The following FA2H variants were observed in gnomAD, a reference collection of about 807,000 sequenced individuals.
FA2H encodes fatty acid alpha-hydroxylase.
In FA2H, 22 loss-of-function variants were observed where a neutral mutation model predicts 44.9. That is an observed-to-expected ratio of 0.49 (90% CI 0.35 to 0.70). FA2H has a LOEUF of 0.70. Ranked by LOEUF, FA2H falls within the 30% of genes least tolerant of loss-of-function variation. FA2H has a pLI of 0.01. For synonymous variants in FA2H, 243 were observed against 213.2 expected, an observed-to-expected ratio of 1.14 and a Z score of -1.22; for missense variants, 501 against 504.9, an observed-to-expected ratio of 0.99 and a Z score of 0.07.
At chr16:74,746,713 C>T (rs1962431701) in intron 1 of FA2H, among the ~76,000 whole-genome samples, 1 of 152,178 alleles carries the variant, frequency 6.6e-6, no homozygotes, top group South Asian at 2.1e-4. Context: ...GCCCTGTCCA[C>T]TGAGAAGGAT....
chr16:74,756,179 G>A (rs1272368544), intron 1 of FA2H, among the ~76,000 whole-genome samples: 1 of 152,170 alleles, frequency 6.6e-6, no homozygotes, highest in Non-Finnish European at 1.5e-5. Flanking sequence ...CCACGCACAC[G>A]TGGAATCTGG....
At chr16:74,751,949 T>C (rs1047300634) in intron 1 of FA2H, among the ~76,000 whole-genome samples, 2 of 152,214 alleles carry the variant, frequency 1.3e-5, no homozygotes, top group African/African-American at 4.8e-5. Context: ...TGAGCTTTGA[T>C]AGTCCTATCC....
In FA2H at chr16:74,748,984, CGCCCCTGGGTGGCACATG is replaced by C. The variant is rs1247970252; in HGVS notation, c.271-8887_271-8870del. ...AAGGTGGGGGGTCCAGGTGTCGCAG[CGCCCCTGGGTGGCACATG>C]GCCCCTGGCAGCTAGGAAGGGGCAG... On this transcript the variant is annotated intron_variant, in intron 1 of 6. Coordinates refer to ENST00000219368, the MANE Select transcript of FA2H (RefSeq NM_024306.5). 1.2e-3 allele frequency among the ~76,000 whole-genome samples: 178 copies of C among 152,294 alleles called. 2 individuals carry two copies. The highest frequency in any genetic ancestry group is 1.9e-4 in the Non-Finnish European group (13 of 68,020).
rs1961617468 is a variant in FA2H at position 74,713,315 on chromosome 16, T to G, written c.*875A>C. 6.6e-6 allele frequency: 1 copy of G among 152,566 alleles called. No individual in the cohort carries two copies. Among genetic ancestry groups the G allele is most frequent in the Non-Finnish European group, 1.5e-5 (1 of 68,024 alleles). The allele number at this position is 152,566 out of a possible 1,614,324, so 9.5% of individuals were successfully genotyped here. A position where few individuals can be genotyped will look rare whatever the true frequency, so the allele number is the denominator to read the frequency against. On this transcript the variant is annotated 3_prime_UTR_variant, in exon 7 of 7. Transcript: ENST00000219368. ...AGACCGTCCTGGGAGCAGTGAGGGT[T>G]TTGGTTACGAGGAGGAAGGGGCAGG...
intron 2 of FA2H, among the ~76,000 whole-genome samples, chr16:74,731,749 T>C (rs1962075309): frequency 6.6e-6 from 1 of 152,252 alleles, no homozygotes; most frequent in Admixed American, 6.5e-5. Context: ...TTTAACAATA[T>C]TCCATACTAT....
chr16:74,769,439 T>G (rs1457832407), intron 1 of FA2H, among the ~76,000 whole-genome samples: 1 of 152,178 alleles, frequency 6.6e-6, no homozygotes, highest in Admixed American at 6.5e-5. Context: ...GATTTTACTG[T>G]TATTATCGCC....
At chr16:74,767,402 C>T (rs912067608) in intron 1 of FA2H, among the ~76,000 whole-genome samples, 8 of 152,078 alleles carry the variant, frequency 5.3e-5, no homozygotes, top group East Asian at 1.9e-4. Context: ...AAGTCACAAC[C>T]GGGGTCTGGA....
At chr16:74,724,713 A>C (rs1961914791) in intron 4 of FA2H, among the ~76,000 whole-genome samples, 2 of 152,048 alleles carry the variant, frequency 1.3e-5, no homozygotes, top group Admixed American at 1.3e-4. Flanking sequence ...CTAACCCTCT[A>C]CACTGGACCT....
intron 1 of FA2H, among the ~76,000 whole-genome samples, chr16:74,741,731 G>A (rs1376221633): frequency 6.9e-6 from 1 of 144,150 alleles, no homozygotes; most frequent in Non-Finnish European, 1.5e-5. Flanking sequence ...AAAGTGCTCG[G>A]ATTACAGGTG....
chr16:74,746,740 G>C (rs1384694630), intron 1 of FA2H, among the ~76,000 whole-genome samples: 1 of 152,178 alleles, frequency 6.6e-6, no homozygotes, highest in Non-Finnish European at 1.5e-5. Flanking sequence ...AGACAGACGA[G>C]AGCAGGGGTT....
chr16:74,730,447 C>A (rs1228485923), intron 2 of FA2H, among the ~76,000 whole-genome samples: 1 of 152,206 alleles, frequency 6.6e-6, no homozygotes, highest in Non-Finnish European at 1.5e-5. Context: ...TTCCTTACCC[C>A]AGTCTCCTTG....
At chr16:74,764,015 CA>C (rs1234490012) in intron 1 of FA2H, among the ~76,000 whole-genome samples, 7 of 152,190 alleles carry the variant, frequency 4.6e-5, no homozygotes, top group South Asian at 4.1e-4. Flanking sequence ...CAGTGTTTCA[CA>C]ATATAAAGTA....
chr16:74,715,003 A>AT (rs1961663412), intron 6 of FA2H, among the ~76,000 whole-genome samples: 2 of 151,678 alleles, frequency 1.3e-5, no homozygotes, highest in Admixed American at 1.3e-4. Flanking sequence ...TATCCAGCTA[A>AT]TTTTTTGTGT....
At chr16:74,736,455 G>GCTAT (rs760824058) in intron 2 of FA2H, among the ~76,000 whole-genome samples, 2 of 152,240 alleles carry the variant, frequency 1.3e-5, no homozygotes, top group Non-Finnish European at 1.5e-5. Context: ...TGATCTGGAT[G>GCTAT]CTATCTTCCT....
In FA2H at chr16:74,716,566, G is replaced by T. The variant is rs373152103; in HGVS notation, c.820C>A (p.Pro274Thr). The stretch of plus-strand genomic sequence containing the variant: ...CCGATCACCAGGGAGGCTGGCACAG[G>T]GGGGAAGACCAGGCGGGAGCCGTCG... ...PFDGSRLVFP[P>T]VPASLVIGVF... is the part of the protein sequence containing the mutation. The change falls in exon 6 of 7, where the codon CCT becomes ACT. Residue 274 changes from proline (P) to threonine (T), a missense_variant. Pro to Thr is a conservative substitution (Grantham distance 38). Transcript: ENST00000219368. 3.8e-6 allele frequency: 6 copies of T among 1,596,678 alleles called. No homozygotes were observed. In the Admixed American group the frequency reaches 5.3e-5, roughly 14 times the overall value.
chr16:74,741,850 GTGTGTA>G (rs1962316652), intron 1 of FA2H, among the ~76,000 whole-genome samples: 1 of 142,508 alleles, frequency 7.0e-6, no homozygotes, highest in African/African-American at 2.7e-5. Context: ...GTGTGTGTAT[GTGTGTA>G]TGTGTGTGTG....
At chr16:74,729,919 A>G (rs1597548997) in intron 2 of FA2H, among the ~76,000 whole-genome samples, 1 of 151,598 alleles carries the variant, frequency 6.6e-6, no homozygotes, top group South Asian at 2.1e-4. Context: ...AAGTAGGGGA[A>G]CCACAGGCAG....
Position 74,726,328 on chromosome 16 carries a change from G to C in FA2H, c.510C>G (p.Tyr170Ter), listed in dbSNP as rs1482825977. The change falls in exon 4 of 7, where the codon TAC becomes TAG. Residue 170 changes from tyrosine to a stop codon, truncating the protein, a stop_gained. Transcript: ENST00000219368. LOFTEE classifies it high-confidence loss of function. Reference sequence around the variant, plus strand: ...GGGGCACCCAGATGATGGGGACACTGTACCTGCAGGAAGGCCATCAGGGTG... The same window carrying C: ...GGGGCACCCAGATGATGGGGACACTCTACCTGCAGGAAGGCCATCAGGGTG... ...LIEGLSKTVW[Y>*]SVPIIWVPLV... is the part of the protein sequence containing the mutation. 6.2e-7 allele frequency: 1 copy of C among 1,605,806 alleles called. No individual in the cohort carries two copies. Among genetic ancestry groups the C allele is most frequent in the Non-Finnish European group, 8.5e-7 (1 of 1,172,608 alleles).
chr16:74,743,731 T>C (rs1216012552), intron 1 of FA2H, among the ~76,000 whole-genome samples: 1 of 152,176 alleles, frequency 6.6e-6, no homozygotes, highest in Non-Finnish European at 1.5e-5. Flanking sequence ...AGGACTGATA[T>C]GCTTCTGGCA....
Sources: gnomAD v4.1 joint callset for allele counts (sites outside exome capture counted in the v4.1 genomes callset) on GRCh38, gnomAD v4.1.1 for gene constraint, MANE v1.5 for transcripts, NCBI Gene and HGNC (gene_info 2026-07-23, HGNC 2026-07-21) for gene names.